MTHFD1L: variants seen among roughly 807,000 people sequenced by gnomAD.
The protein encoded by MTHFD1L is monofunctional C1-tetrahydrofolate synthase, mitochondrial.
A neutral mutation model predicts 119.5 loss-of-function variants in MTHFD1L; 81 were observed. The ratio of observed to expected loss-of-function variants is 0.68; its 90% CI spans 0.57 to 0.82. The LOEUF (loss-of-function observed/expected upper bound fraction) is 0.82. Ranked by LOEUF, MTHFD1L falls within the 40% of genes least tolerant of loss-of-function variation. The pLI is 0.00. For missense variants in MTHFD1L, 1,125 were observed against 1,253.4 expected, an observed-to-expected ratio of 0.90 and a Z score of 1.55; for synonymous variants, 430 against 475.2, an observed-to-expected ratio of 0.90 and a Z score of 1.24.
intron 27 of MTHFD1L, among the ~76,000 whole-genome samples, chr6:151,098,519 T>A (rs1795083297): frequency 6.6e-6 from 1 of 152,230 alleles, no homozygotes; most frequent in Admixed American, 6.5e-5. Context: ...AAGCTCCAGC[T>A]TTATACTTAA....
chr6:150,884,924 T>C (rs1260397580), intron 5 of MTHFD1L, among the ~76,000 whole-genome samples: 1 of 152,010 alleles, frequency 6.6e-6, no homozygotes, highest in East Asian at 1.9e-4. Flanking sequence ...CACTCCAGAT[T>C]TATAGGATTG....
intron 11 of MTHFD1L, among the ~76,000 whole-genome samples, chr6:150,934,729 C>G (rs1791747608): frequency 6.6e-6 from 1 of 152,128 alleles, no homozygotes. Flanking sequence ...CTGACAGTAA[C>G]TCATGGAAGA....
At chr6:151,099,632 G>A in intron 27 of MTHFD1L, 3 of 1,606,516 alleles carry the variant, frequency 1.9e-6, no homozygotes, top group Non-Finnish European at 2.6e-6. Context: ...CGTAACTGGT[G>A]GAAACCCAGA....
intron 8 of MTHFD1L, 78 bp from the exon 9 acceptor site, chr6:150,918,499 G>A (rs1484049777): frequency 1.0e-6 from 1 of 993,944 alleles, no homozygotes; most frequent in Non-Finnish European, 1.6e-6. Context: ...TATTCAGTGT[G>A]CTAGCTGTTT....
At chr6:150,931,897 C>T (rs1352606721) in intron 11 of MTHFD1L, among the ~76,000 whole-genome samples, 1 of 152,164 alleles carries the variant, frequency 6.6e-6, no homozygotes, top group Non-Finnish European at 1.5e-5. Flanking sequence ...CATGGTGGCT[C>T]ACGCCTGTAA....
chr6:150,875,054 T>C (rs907736159), intron 1 of MTHFD1L, among the ~76,000 whole-genome samples: 2 of 151,666 alleles, frequency 1.3e-5, no homozygotes, highest in African/African-American at 4.8e-5. Flanking sequence ...GGACTTTTTT[T>C]TTTTTTCTTT....
At chr6:150,899,857 A>G (rs1784833909) in intron 7 of MTHFD1L, among the ~76,000 whole-genome samples, 1 of 151,952 alleles carries the variant, frequency 6.6e-6, no homozygotes, top group African/African-American at 2.4e-5. Flanking sequence ...CTGTAATCCT[A>G]GCTACTCAGG....
intron 26 of MTHFD1L, among the ~76,000 whole-genome samples, chr6:151,060,389 TA>T (rs774351514): frequency 3.5e-4 from 53 of 152,318 alleles, no homozygotes; most frequent in East Asian, 5.8e-4. Context: ...ACTAGGCCAT[TA>T]GAAGAACAAA....
chr6:150,889,858 C>T (rs2128785247), intron 7 of MTHFD1L, among the ~76,000 whole-genome samples: 1 of 152,208 alleles, frequency 6.6e-6, no homozygotes, highest in East Asian at 1.9e-4. Context: ...GAATTTCACT[C>T]TAAATATATA....
intron 1 of MTHFD1L, among the ~76,000 whole-genome samples, chr6:150,869,743 T>G (rs1159145227): frequency 1.3e-5 from 2 of 152,012 alleles, no homozygotes; most frequent in South Asian, 2.1e-4. Flanking sequence ...GCAAAGTGGG[T>G]GGGGGTGTGT....
intron 26 of MTHFD1L, chr6:151,088,299 G>C (rs946230381): frequency 2.0e-5 from 3 of 152,162 alleles, no homozygotes; most frequent in Non-Finnish European, 4.4e-5. Flanking sequence ...TCCCAAATAA[G>C]TAGCTGCACT....
intron 11 of MTHFD1L, chr6:150,935,565 G>A (rs1402614015): frequency 5.4e-6 from 8 of 1,477,054 alleles, no homozygotes; most frequent in Non-Finnish European, 6.5e-6. Context: ...AAGAAAAGAT[G>A]AATATCAATA....
chr6:151,062,362 C>T (rs1411463640), intron 26 of MTHFD1L, among the ~76,000 whole-genome samples: 6 of 151,998 alleles, frequency 3.9e-5, no homozygotes, highest in Admixed American at 6.6e-5. Context: ...GGCGTGAATC[C>T]GGGGGGCAGA....
chr6:151,002,262 G>A (rs1172069801), intron 20 of MTHFD1L, among the ~76,000 whole-genome samples: 4 of 152,172 alleles, frequency 2.6e-5, no homozygotes, highest in African/African-American at 7.2e-5. Flanking sequence ...AAGCTCTATC[G>A]CTTAATAGCT....
chr6:151,040,854 CAG>C (rs1159654694), intron 26 of MTHFD1L, among the ~76,000 whole-genome samples: 1 of 152,244 alleles, frequency 6.6e-6, no homozygotes, highest in Non-Finnish European at 1.5e-5. Context: ...TCTGGAAAAT[CAG>C]AATCTGTTGC....
Position 150,926,225 on chromosome 6 carries a change from G to A in MTHFD1L, c.1186G>A (p.Ala396Thr). ...AATTGAAATCTATGGCAAAAGCAAA[G>A]CCAAAGTACGTTTGTCCGTGCTAGA... Reference protein sequence around the residue: ...DEIEIYGKSKAKVRLSVLERL... With the variant: ...DEIEIYGKSKTKVRLSVLERL... The change falls in exon 11 of 28, where the codon GCC (alanine) becomes ACC (threonine). Residue 396 changes from alanine (A) to threonine (T), a missense_variant. Physicochemically the swap from Ala to Thr is moderately conservative, Grantham distance 58. Coordinates refer to ENST00000367321, the MANE Select transcript of MTHFD1L (RefSeq NM_015440.5). This position sits in a 1 kb window ranked among gnomAD's most constrained non-coding sequence, Gnocchi z 4.3. 6.2e-6 allele frequency: 10 copies of A among 1,614,104 alleles called. No homozygotes were observed. The highest frequency in any genetic ancestry group is 5.9e-6 in the Non-Finnish European group (7 of 1,180,016).
intron 26 of MTHFD1L, among the ~76,000 whole-genome samples, chr6:151,054,516 C>T (rs1789576404): frequency 6.6e-6 from 1 of 152,160 alleles, no homozygotes; most frequent in Non-Finnish European, 1.5e-5. Context: ...CTGACATTCC[C>T]GGCCCCTCTC....
rs561585626 is a variant in MTHFD1L at position 151,056,594 on chromosome 6, G to A, written c.2847+19477G>A. On this transcript the variant is annotated intron_variant, in intron 26 of 27. Coordinates refer to ENST00000367321, the MANE Select transcript of MTHFD1L (RefSeq NM_015440.5). ...ATTGTGTGGAATTGCCTTCAGCGAC[G>A]TGTTCTATAACGTCGTGTTCTTGTC... Among the ~76,000 whole-genome samples the A allele has an allele frequency of 3.5e-4, 54 of 152,298 alleles. 1 individual carries two copies. Among genetic ancestry groups the A allele is most frequent in the South Asian group, 1.0e-3 (5 of 4,824 alleles).
At chr6:150,990,896 C>T (rs955347322) in intron 20 of MTHFD1L, among the ~76,000 whole-genome samples, 3 of 152,180 alleles carry the variant, frequency 2.0e-5, no homozygotes, top group Admixed American at 6.5e-5. Context: ...CGCTCTGTCA[C>T]CCAGGCTGGA....
Sources: allele counts gnomAD v4.1 joint callset (sites outside exome capture counted in the v4.1 genomes callset), GRCh38; gene constraint gnomAD v4.1.1; non-coding constraint Gnocchi (gnomAD v3.1); transcripts MANE v1.5; gene names NCBI Gene and HGNC (gene_info 2026-07-23, HGNC 2026-07-21).